The following FSHR variants were observed in gnomAD, a reference collection of about 807,000 sequenced individuals.
FSHR encodes follicle stimulating hormone receptor, also known as follicle-stimulating hormone receptor.
In FSHR, 46 loss-of-function variants were observed where a neutral mutation model predicts 52.1. The ratio of observed to expected loss-of-function variants is 0.88; its 90% confidence interval spans 0.70 to 1.13. FSHR has a LOEUF of 1.13. Among genes scored for constraint, FSHR ranks in the 50% most tolerant of loss-of-function variants. The probability of loss-of-function intolerance (pLI) is 0.00; values close to 1 mark genes in which losing one functional copy is unlikely to be tolerated. For synonymous variants in FSHR, 399 were observed against 309.6 expected (o/e 1.29, Z -3.03); for missense variants, 964 against 834.6 (o/e 1.16, Z -1.91).
chr2:48,969,766 C>T (rs1674654439), intron 8 of FSHR, among the ~76,000 whole-genome samples: 1 of 152,200 alleles, frequency 6.6e-6, no homozygotes, highest in Non-Finnish European at 1.5e-5. Context: ...TAACCAGGTC[C>T]CTGCCCCTGA....
chr2:49,084,694 C>T (rs940291745), intron 1 of FSHR, among the ~76,000 whole-genome samples: 3 of 152,138 alleles, frequency 2.0e-5, no homozygotes, highest in Non-Finnish European at 2.9e-5. Flanking sequence ...ATACAAACTA[C>T]CATCAGAGAA....
chr2:48,974,528 G>A (rs1674895862), intron 8 of FSHR, among the ~76,000 whole-genome samples: 1 of 152,192 alleles, frequency 6.6e-6, no homozygotes, highest in Admixed American at 6.5e-5. Context: ...GGAGCTCTTG[G>A]TAAGAAAGAG....
intron 8 of FSHR, among the ~76,000 whole-genome samples, chr2:48,980,406 T>C (rs578083141): frequency 2.2e-4 from 33 of 152,350 alleles, no homozygotes; most frequent in Non-Finnish European, 4.4e-5. Flanking sequence ...TCCGATGCTT[T>C]CACAGAGGCT....
At chr2:48,965,837 A>C (rs1268105369) in intron 9 of FSHR, among the ~76,000 whole-genome samples, 1 of 152,252 alleles carries the variant, frequency 6.6e-6, no homozygotes, top group Non-Finnish European at 1.5e-5. Flanking sequence ...AGATAAGAAC[A>C]GAAACAAAAG....
intron 1 of FSHR, among the ~76,000 whole-genome samples, chr2:49,142,316 G>C (rs192629549): frequency 6.6e-6 from 1 of 152,164 alleles, no homozygotes; most frequent in Admixed American, 6.5e-5. Context: ...TTTGGGTAGA[G>C]ACTGAAAAGA....
chr2:49,033,568 G>T (rs1668176258), intron 2 of FSHR, among the ~76,000 whole-genome samples: 1 of 152,132 alleles, frequency 6.6e-6, no homozygotes, highest in Admixed American at 6.5e-5. Flanking sequence ...GAGGAAAACG[G>T]ATGGTCTGCA....
At position 49,043,636 on chromosome 2, in the gene FSHR, A is replaced by T. The variant is rs17038135; in HGVS notation, c.225-23476T>A. On this transcript the variant is annotated intron_variant, in intron 2 of 9. Transcript: ENST00000406846. The stretch of plus-strand genomic sequence containing the variant: ...TGGACACATTCCTAGCATCTTGCCT[A>T]GAGAATCACGGGTGGGGCATAAAAA... 5.6e-4 allele frequency among the ~76,000 whole-genome samples: 86 copies of T among 152,304 alleles called. 1 individual carries two copies. The East Asian group carries it at 0.015, about 26-fold the overall frequency.
At chr2:49,074,980 GA>G (rs1437769075) in intron 1 of FSHR, among the ~76,000 whole-genome samples, 1 of 152,012 alleles carries the variant, frequency 6.6e-6, no homozygotes, top group Non-Finnish European at 1.5e-5. Context: ...ATGGAAGCTA[GA>G]AAAAGTTGAT....
chr2:49,125,880 G>T (rs1403888794), intron 1 of FSHR, among the ~76,000 whole-genome samples: 1 of 152,236 alleles, frequency 6.6e-6, no homozygotes, highest in Non-Finnish European at 1.5e-5. Flanking sequence ...CTAGGAAACT[G>T]TGGATGGCTG....
At chr2:49,085,596 C>G (rs1670351438) in intron 1 of FSHR, among the ~76,000 whole-genome samples, 1 of 152,134 alleles carries the variant, frequency 6.6e-6, no homozygotes, top group South Asian at 2.1e-4. Flanking sequence ...CCATTTGACC[C>G]AGCCATCCCA....
chr2:49,092,098 G>A (rs552299335), intron 1 of FSHR, among the ~76,000 whole-genome samples: 1 of 152,172 alleles, frequency 6.6e-6, no homozygotes, highest in East Asian at 1.9e-4. Context: ...TATTTTATTA[G>A]GTTTACAACT....
chr2:49,117,787 T>C (rs1671658360), intron 1 of FSHR, among the ~76,000 whole-genome samples: 1 of 152,228 alleles, frequency 6.6e-6, no homozygotes, highest in African/African-American at 2.4e-5. Context: ...TGCTTGACCA[T>C]TCTTGAAAGG....
intron 1 of FSHR, among the ~76,000 whole-genome samples, chr2:49,113,944 C>A (rs942758716): frequency 6.6e-6 from 1 of 152,138 alleles, no homozygotes; most frequent in Non-Finnish European, 1.5e-5. Flanking sequence ...CCTTGTCACC[C>A]CCATTAAGAA....
intron 4 of FSHR, among the ~76,000 whole-genome samples, chr2:49,006,232 A>G (rs1667071582): frequency 6.6e-6 from 1 of 151,976 alleles, no homozygotes; most frequent in African/African-American, 2.4e-5. Flanking sequence ...AATCCTGACT[A>G]ATACATGACC....
At chr2:49,114,605 A>G (rs2103762298) in intron 1 of FSHR, among the ~76,000 whole-genome samples, 1 of 152,306 alleles carries the variant, frequency 6.6e-6, no homozygotes, top group Non-Finnish European at 1.5e-5. Context: ...AAAGAGTAAG[A>G]ACCCTCGTAG....
chr2:49,024,646 A>C (rs1414620314), intron 2 of FSHR, among the ~76,000 whole-genome samples: 1 of 152,176 alleles, frequency 6.6e-6, no homozygotes, highest in Non-Finnish European at 1.5e-5. Flanking sequence ...TCTTTCTGAT[A>C]GAGGAGATAA....
At chr2:49,085,880 C>T (rs1408663906) in intron 1 of FSHR, among the ~76,000 whole-genome samples, 3 of 151,284 alleles carry the variant, frequency 2.0e-5, no homozygotes, top group Non-Finnish European at 2.9e-5. Flanking sequence ...AACCAAACAC[C>T]GCGTGTTCTC....
intron 8 of FSHR, among the ~76,000 whole-genome samples, chr2:48,972,309 A>G (rs12713027): frequency 0.29 from 43,744 of 152,016 alleles, 6,574 homozygotes; most frequent in African/African-American, 0.37. Flanking sequence ...ACTCATTGCT[A>G]TCACCACAAG....
intron 1 of FSHR, among the ~76,000 whole-genome samples, chr2:49,093,422 G>A (rs114607481): frequency 6.6e-6 from 1 of 152,002 alleles, no homozygotes; most frequent in African/African-American, 2.4e-5. Context: ...TGACCTTTTT[G>A]TCATTCTGCA....
Sources: gnomAD v4.1 joint callset for allele counts (sites outside exome capture counted in the v4.1 genomes callset) on GRCh38, gnomAD v4.1.1 for gene constraint, MANE v1.5 for transcripts, NCBI Gene and HGNC (gene_info 2026-07-23, HGNC 2026-07-21) for gene names.